The following CEP350 variants were observed in gnomAD, a reference collection of about 807,000 sequenced individuals.
CEP350 encodes centrosome-associated protein 350.
Under a neutral mutation model 331.8 loss-of-function variants are expected in CEP350, and 126 were observed. The observed-to-expected ratio is 0.38, with a 90% confidence interval of 0.33 to 0.44. CEP350 has a LOEUF of 0.44. Ranked by LOEUF, CEP350 falls within the 20% of genes least tolerant of loss-of-function variation. The pLI, the probability that CEP350 is intolerant of heterozygous loss-of-function variation, is 1.00. For missense variants in CEP350, 3,406 were observed against 3,634.6 expected, an observed-to-expected ratio of 0.94 and a Z score of 1.62; for synonymous variants, 1,200 against 1,259.5, an observed-to-expected ratio of 0.95 and a Z score of 1.00.
intron 1 of CEP350, among the ~76,000 whole-genome samples, chr1:179,984,736 G>A (rs1652530985): frequency 1.3e-5 from 2 of 152,160 alleles, no homozygotes; most frequent in Non-Finnish European, 2.9e-5. Flanking sequence ...GTTAAGTAAA[G>A]TAGGGCACAA....
At chr1:179,998,544 G>A (rs1653641597) in intron 6 of CEP350, among the ~76,000 whole-genome samples, 1 of 151,698 alleles carries the variant, frequency 6.6e-6, no homozygotes, top group African/African-American at 2.4e-5. Context: ...GATCTCTGAT[G>A]ATCTGCTTGC....
At chr1:180,078,712 G>A (rs1558145493) in intron 29 of CEP350, 38 bp downstream of exon 29, 10 of 1,510,104 alleles carry the variant, frequency 6.6e-6, no homozygotes, top group African/African-American at 4.2e-5. Flanking sequence ...AGATTCTCTA[G>A]AAAAAAAACT....
intron 36 of CEP350, 64 bp from the exon 37 acceptor site, chr1:180,098,799 G>T: frequency 1.4e-6 from 2 of 1,450,994 alleles, no homozygotes; most frequent in Non-Finnish European, 1.9e-6. Flanking sequence ...TTACTGCATT[G>T]TAAACACATG....
chr1:180,050,432 G>A (rs1213647289), intron 22 of CEP350, among the ~76,000 whole-genome samples: 1 of 152,030 alleles, frequency 6.6e-6, no homozygotes, highest in Non-Finnish European at 1.5e-5. Flanking sequence ...GGAGGCTGAG[G>A]CAGGCAGATC....
chr1:180,084,220 T>TGCCAGAC, intron 31 of CEP350, 42 bp downstream of exon 31: 1 of 1,495,496 alleles, frequency 6.7e-7, no homozygotes, highest in Non-Finnish European at 8.9e-7. Flanking sequence ...AAGGCTAATG[T>TGCCAGAC]GTATGTGACG....
chr1:180,024,864 T>G (rs895311321), intron 14 of CEP350, among the ~76,000 whole-genome samples: 5 of 152,082 alleles, frequency 3.3e-5, no homozygotes, highest in African/African-American at 9.7e-5. Flanking sequence ...GTTCAGAGAT[T>G]AACTACTATT....
chr1:179,969,037 T>G, intron 1 of CEP350: 1 of 744,748 alleles, frequency 1.3e-6, no homozygotes, highest in Non-Finnish European at 2.5e-6. Flanking sequence ...AGCCTCAAAC[T>G]GAAGCATCTT....
intron 1 of CEP350, among the ~76,000 whole-genome samples, chr1:179,975,766 G>A (rs2501621): frequency 0.72 from 109,054 of 152,036 alleles, 40,235 homozygotes; most frequent in Admixed American, 0.8. Context: ...TGCCAATGGT[G>A]CTTGGTGATA....
chr1:180,012,601 C>T (rs1261704416), intron 9 of CEP350, among the ~76,000 whole-genome samples: 1 of 152,138 alleles, frequency 6.6e-6, no homozygotes, highest in Non-Finnish European at 1.5e-5. Context: ...AGTGCTATTT[C>T]AAATAACTAC....
chr1:180,006,329 C>G (rs1384290712), intron 7 of CEP350, 125 bp from the exon 8 acceptor site: 1 of 612,182 alleles, frequency 1.6e-6, no homozygotes, highest in Non-Finnish European at 3.0e-6. Context: ...TAGAAGTAGC[C>G]TCAGTGTAGG....
intron 3 of CEP350, among the ~76,000 whole-genome samples, chr1:179,989,481 T>TC (rs1652893672): frequency 1.7e-5 from 1 of 58,864 alleles, no homozygotes; most frequent in South Asian, 6.8e-4. Context: ...AGACCCTGTC[T>TC]CAAAAAAAAA....
In CEP350 at chr1:180,014,317, A is replaced by G; in HGVS notation, c.1864A>G (p.Thr622Ala). ...AGAGAAGAAGGCTCAAAAGGAGGCT[A>G]CAGAACAGAAAAACAAACGATTACA... ...NEEKKAQKEA[T>A]EQKNKRLQEL... The change falls in exon 10 of 38, where the codon ACA becomes GCA. Residue 622 changes from threonine to alanine, a missense_variant. Around this residue, in one of 5 missense-constraint regions of CEP350, gnomAD observed 1,857 missense variants for 1,909.2 expected, o/e 0.97. Coordinates refer to ENST00000367607, the MANE Select transcript of CEP350 (RefSeq NM_014810.5). 6 of 1,591,144 alleles carry G rather than the reference A, an allele frequency of 3.8e-6. No homozygotes were observed. Among genetic ancestry groups the G allele is most frequent in the Non-Finnish European group, 1.7e-6 (2 of 1,168,418 alleles).
At chr1:179,987,073 A>G (rs1652692087) in intron 2 of CEP350, among the ~76,000 whole-genome samples, 167 bp from the exon 3 acceptor site, 1 of 152,076 alleles carries the variant, frequency 6.6e-6, no homozygotes, top group Non-Finnish European at 1.5e-5. Context: ...ATAGATAAAA[A>G]CCCATTTTGA....
In CEP350 at chr1:180,093,449, C is replaced by T. The variant is rs1383313356; in HGVS notation, c.7344C>T (p.Ser2448=). Residue 2448 remains serine, a synonymous_variant, in exon 34 of 38, where the codon AGC becomes AGT. Transcript: ENST00000367607. ...CLSEKSLSIH[S]NVHSDRLLEL... The stretch of plus-strand genomic sequence containing the variant: ...GTGAGAAAAGCCTTTCTATCCATAG[C>T]AATGTTCATTCTGACAGGCTGTTGG... 6.2e-7 allele frequency: 1 copy of T among 1,604,930 alleles called. No individual in the cohort carries two copies. Among genetic ancestry groups the T allele is most frequent in the Non-Finnish European group, 8.5e-7 (1 of 1,175,286 alleles).
chr1:179,967,664 G>T (rs576142277), intron 1 of CEP350, among the ~76,000 whole-genome samples: 1 of 152,230 alleles, frequency 6.6e-6, no homozygotes, highest in South Asian at 2.1e-4. Flanking sequence ...GCCCACCTCG[G>T]CCTCCCAAAG....
At chr1:180,083,793 TAGG>T (rs1366525945) in intron 30 of CEP350, among the ~76,000 whole-genome samples, 1 of 151,936 alleles carries the variant, frequency 6.6e-6, no homozygotes, top group Non-Finnish European at 1.5e-5. Flanking sequence ...TGAAAATAAA[TAGG>T]AGGAACCAAG....
chr1:180,004,884 TTGCTTGCTTGCTTGCTTGCTTG>T lies in CEP350; in HGVS notation c.1133-1569_1133-1548del, dbSNP rs1654119754. On this transcript the variant is annotated intron_variant, in intron 7 of 37. Transcript: ENST00000367607. ...CAGGCAGGCTGGCTGGCTTGCTTGC[TTGCTTGCTTGCTTGCTTGCTTG>T]CTTTCTTTCTTTCTTTCTTTCTTTC... 1.3e-4 allele frequency among the ~76,000 whole-genome samples: 9 copies of T among 71,082 alleles called. No homozygotes were observed. The South Asian group carries it at 5.3e-3, about 42-fold the overall frequency. The allele number at this position is 71,082 out of a possible 152,430, so 46.6% of individuals were successfully genotyped here.
intron 14 of CEP350, among the ~76,000 whole-genome samples, chr1:180,024,878 A>C (rs1571884261): frequency 6.6e-6 from 1 of 151,960 alleles, no homozygotes; most frequent in East Asian, 1.9e-4. Context: ...TACTATTAAC[A>C]TTTTTGATGT....
chr1:179,999,989 A>G (rs543596704), intron 6 of CEP350, among the ~76,000 whole-genome samples: 1 of 152,308 alleles, frequency 6.6e-6, no homozygotes, highest in South Asian at 2.1e-4. Flanking sequence ...ATGAAGATAA[A>G]GAGCCTATCT....
Sources: allele counts gnomAD v4.1 joint callset (sites outside exome capture counted in the v4.1 genomes callset), GRCh38; gene constraint gnomAD v4.1.1; regional missense constraint gnomAD v4.1.1; transcripts MANE v1.5; gene names NCBI Gene and HGNC (gene_info 2026-07-23, HGNC 2026-07-21).